The following EPHA6 variants were observed in gnomAD, a reference collection of about 807,000 sequenced individuals.
EPHA6 encodes the protein ephrin type-A receptor 6.
A neutral mutation model predicts 112.0 loss-of-function variants in EPHA6; 50 were observed. The ratio of observed to expected loss-of-function variants is 0.45; its 90% CI spans 0.36 to 0.56. The LOEUF is 0.56. Ranked by LOEUF, EPHA6 falls within the 20% of genes least tolerant of loss-of-function variation. The probability of loss-of-function intolerance (pLI) is 0.00; values close to 1 mark genes in which losing one functional copy is unlikely to be tolerated. For missense variants in EPHA6, 1,280 were observed against 1,417.4 expected, an observed-to-expected ratio of 0.90 and a Z score of 1.56; for synonymous variants, 529 against 490.7, an observed-to-expected ratio of 1.08 and a Z score of -1.03.
intron 2 of EPHA6, among the ~76,000 whole-genome samples, chr3:96,952,929 G>C (rs955181867): frequency 6.6e-6 from 1 of 152,060 alleles, no homozygotes; most frequent in Non-Finnish European, 1.5e-5. Flanking sequence ...TTAATACCTG[G>C]GTGATGAAAT....
At chr3:96,891,589 A>G (rs1439546910) in intron 2 of EPHA6, among the ~76,000 whole-genome samples, 1 of 152,056 alleles carries the variant, frequency 6.6e-6, no homozygotes, top group Non-Finnish European at 1.5e-5. Flanking sequence ...GGTTCCTGTA[A>G]TCCCAGCTAC....
At chr3:96,947,908 C>T (rs967276815) in intron 2 of EPHA6, among the ~76,000 whole-genome samples, 1 of 152,080 alleles carries the variant, frequency 6.6e-6, no homozygotes, top group African/African-American at 2.4e-5. Flanking sequence ...CTTTAAAGTT[C>T]ATATAGACCC....
intron 2 of EPHA6, among the ~76,000 whole-genome samples, chr3:96,972,335 A>T (rs2042344932): frequency 6.6e-6 from 1 of 151,924 alleles, no homozygotes; most frequent in Admixed American, 6.6e-5. Flanking sequence ...TAGTTTTAGT[A>T]TTAGAGGATA....
intron 2 of EPHA6, among the ~76,000 whole-genome samples, chr3:96,965,232 G>A (rs1243870671): frequency 6.6e-6 from 1 of 152,006 alleles, no homozygotes; most frequent in Non-Finnish European, 1.5e-5. Context: ...CTAGGTTACA[G>A]TTCATCTACA....
intron 3 of EPHA6, among the ~76,000 whole-genome samples, chr3:97,215,244 T>C (rs747477995): frequency 2.0e-5 from 3 of 152,232 alleles, no homozygotes; most frequent in Non-Finnish European, 4.4e-5. Context: ...TAACAATATA[T>C]AGTCTAACCA....
intron 3 of EPHA6, among the ~76,000 whole-genome samples, chr3:97,029,634 G>A (rs371894566): frequency 1.3e-5 from 2 of 152,114 alleles, no homozygotes; most frequent in East Asian, 1.9e-4. Flanking sequence ...AATTAATGGG[G>A]GTGATAGTAA....
intron 2 of EPHA6, among the ~76,000 whole-genome samples, chr3:96,905,436 C>T (rs554028302): frequency 9.9e-5 from 15 of 151,840 alleles, no homozygotes; most frequent in South Asian, 4.1e-4. Context: ...GATCATCTAG[C>T]ATCCTGAATT....
intron 1 of EPHA6, among the ~76,000 whole-genome samples, chr3:96,846,425 A>G (rs1047315625): frequency 5.3e-5 from 8 of 152,072 alleles, no homozygotes; most frequent in African/African-American, 1.9e-4. Context: ...AATATGCTTT[A>G]TTAACAGATA....
intron 1 of EPHA6, among the ~76,000 whole-genome samples, chr3:96,861,602 A>G (rs923617935): frequency 1.3e-5 from 2 of 151,992 alleles, no homozygotes; most frequent in African/African-American, 4.8e-5. Flanking sequence ...TAACATCACT[A>G]TGTTCATATT....
chr3:97,688,928 G>GT (rs1484410582), intron 14 of EPHA6, among the ~76,000 whole-genome samples: 18 of 152,064 alleles, frequency 1.2e-4, no homozygotes, highest in Admixed American at 1.2e-3. Context: ...GTATTTTTAA[G>GT]TTTTTTATTA....
intron 10 of EPHA6, among the ~76,000 whole-genome samples, chr3:97,531,785 C>CGT (rs2092698062): frequency 6.6e-6 from 1 of 152,038 alleles, no homozygotes; most frequent in Non-Finnish European, 1.5e-5. Flanking sequence ...AAACATATCT[C>CGT]ATCTTCCTTA....
intron 3 of EPHA6, among the ~76,000 whole-genome samples, chr3:97,106,611 G>A (rs751140309): frequency 1.3e-5 from 2 of 151,942 alleles, no homozygotes; most frequent in Admixed American, 6.6e-5. Flanking sequence ...TAATTCTTCC[G>A]GTACACCAAG....
intron 13 of EPHA6, among the ~76,000 whole-genome samples, chr3:97,622,660 C>G (rs538226312): frequency 3.2e-4 from 48 of 151,898 alleles, no homozygotes; most frequent in African/African-American, 1.1e-3. Context: ...AGGGAAACCA[C>G]CATACTGTTT....
At chr3:96,953,002 C>T (rs915914805) in intron 2 of EPHA6, among the ~76,000 whole-genome samples, 1 of 151,924 alleles carries the variant, frequency 6.6e-6, no homozygotes, top group Non-Finnish European at 1.5e-5. Context: ...ACAAGTACCC[C>T]TAAATTTAAA....
intron 3 of EPHA6, among the ~76,000 whole-genome samples, chr3:97,018,231 G>T (rs1048396828): frequency 6.6e-6 from 1 of 151,578 alleles, no homozygotes; most frequent in East Asian, 1.9e-4. Context: ...GTCTTTATTT[G>T]CATGCATTTT....
At chr3:97,476,670 A>T (rs1383236450) in intron 8 of EPHA6, among the ~76,000 whole-genome samples, 1 of 152,152 alleles carries the variant, frequency 6.6e-6, no homozygotes, top group Non-Finnish European at 1.5e-5. Context: ...GGTCCCTGAC[A>T]AATATACAAC....
chr3:97,281,132 AAGG>A (rs2080269551), intron 5 of EPHA6, among the ~76,000 whole-genome samples: 2 of 152,150 alleles, frequency 1.3e-5, no homozygotes, highest in African/African-American at 2.4e-5. Flanking sequence ...AAAAAAGGAA[AAGG>A]AGAAGAGTTT....
chr3:96,835,628 G>C (rs557204513), intron 1 of EPHA6, among the ~76,000 whole-genome samples: 1 of 152,030 alleles, frequency 6.6e-6, no homozygotes, highest in Non-Finnish European at 1.5e-5. Flanking sequence ...GCTATGCTAA[G>C]TGGTTTTTGC....
intron 14 of EPHA6, among the ~76,000 whole-genome samples, chr3:97,641,095 G>C (rs1487492291): frequency 2.0e-5 from 3 of 152,134 alleles, no homozygotes; most frequent in Non-Finnish European, 4.4e-5. Flanking sequence ...TGTTAATCAA[G>C]ACAGAGAATC....
Sources: gnomAD v4.1 joint callset for allele counts (sites outside exome capture counted in the v4.1 genomes callset) on GRCh38, gnomAD v4.1.1 for gene constraint, MANE v1.5 for transcripts, NCBI Gene and HGNC (gene_info 2026-07-23, HGNC 2026-07-21) for gene names.